PDE10A: variants seen among roughly 807,000 people sequenced by gnomAD.
PDE10A encodes phosphodiesterase 10A, also known as cAMP and cAMP-inhibited cGMP 3',5'-cyclic phosphodiesterase 10A.
Under a neutral mutation model 97.7 loss-of-function variants are expected in PDE10A, and 39 were observed. The ratio of observed to expected loss-of-function variants is 0.40; its 90% CI spans 0.31 to 0.52. The LOEUF is 0.52. PDE10A is among the 20% of genes least tolerant of loss of function. PDE10A has a pLI of 0.56. For missense variants in PDE10A, 731 were observed against 1,047.8 expected, an observed-to-expected ratio of 0.70 and a Z score of 4.17; for synonymous variants, 371 against 376.8, an observed-to-expected ratio of 0.98 and a Z score of 0.18.
intron 18 of PDE10A, among the ~76,000 whole-genome samples, chr6:165,375,777 A>G (rs1212673724): frequency 6.6e-6 from 1 of 152,212 alleles, no homozygotes; most frequent in East Asian, 1.9e-4. Flanking sequence ...ATTATTTACC[A>G]TTTCAAAAAT....
At chr6:165,528,104 G>A (rs186958236) in intron 2 of PDE10A, among the ~76,000 whole-genome samples, 10 of 152,306 alleles carry the variant, frequency 6.6e-5, no homozygotes, top group African/African-American at 1.4e-4. Context: ...TGTAACCAAC[G>A]GTTTGGGTGG....
chr6:165,555,276 C>T (rs891232691), intron 1 of PDE10A, among the ~76,000 whole-genome samples: 4 of 152,044 alleles, frequency 2.6e-5, no homozygotes, highest in African/African-American at 4.8e-5. Context: ...CTCTCACGTA[C>T]GCCATACACA....
At chr6:165,473,368 C>A (rs2128274162) in intron 3 of PDE10A, among the ~76,000 whole-genome samples, 1 of 152,178 alleles carries the variant, frequency 6.6e-6, no homozygotes, top group Non-Finnish European at 1.5e-5. Flanking sequence ...ATGATTTTAA[C>A]TGAATTAATG....
At chr6:165,762,262 T>C (rs535271616) in intron 1 of PDE10A, among the ~76,000 whole-genome samples, 1 of 152,360 alleles carries the variant, frequency 6.6e-6, no homozygotes, top group Admixed American at 6.5e-5. Flanking sequence ...CAGGGAGATG[T>C]ATTTGAGACT....
At chr6:165,822,673 T>C (rs996399370) in intron 1 of PDE10A, among the ~76,000 whole-genome samples, 1 of 151,250 alleles carries the variant, frequency 6.6e-6, no homozygotes, top group Non-Finnish European at 1.5e-5. Flanking sequence ...AGCAAGTTGC[T>C]CTGGGTGAGT....
intron 1 of PDE10A, among the ~76,000 whole-genome samples, chr6:165,759,326 G>A (rs946267961): frequency 1.3e-5 from 2 of 152,168 alleles, no homozygotes; most frequent in African/African-American, 4.8e-5. Flanking sequence ...GAAAGTACAA[G>A]GCCAGGGACA....
chr6:165,343,736 T>C (rs924707472), intron 18 of PDE10A, among the ~76,000 whole-genome samples: 2 of 152,196 alleles, frequency 1.3e-5, no homozygotes, highest in African/African-American at 2.4e-5. Context: ...TATGTTCCTG[T>C]TGCCTCAATG....
intron 18 of PDE10A, among the ~76,000 whole-genome samples, chr6:165,363,645 C>T (rs1017990867): frequency 1.3e-5 from 2 of 151,960 alleles, no homozygotes; most frequent in Non-Finnish European, 2.9e-5. Flanking sequence ...CTAAGCAATG[C>T]ACCAAAAAAT....
chr6:165,715,806 C>T (rs1374564221), intron 1 of PDE10A, among the ~76,000 whole-genome samples: 1 of 152,202 alleles, frequency 6.6e-6, no homozygotes, highest in Non-Finnish European at 1.5e-5. Context: ...GGTCAGAAGG[C>T]AGGGGTTAGA....
intron 1 of PDE10A, among the ~76,000 whole-genome samples, chr6:165,594,449 T>C (rs1385170322): frequency 6.6e-6 from 1 of 152,088 alleles, no homozygotes; most frequent in Admixed American, 6.5e-5. Flanking sequence ...TAATATATTA[T>C]AATACTGAAT....
chr6:165,898,544 G>A (rs1014768407), intron 1 of PDE10A, among the ~76,000 whole-genome samples: 4 of 152,110 alleles, frequency 2.6e-5, no homozygotes, highest in African/African-American at 4.8e-5. Context: ...CTCCTGTGGA[G>A]ATCAGCATGT....
At chr6:165,971,527 C>T (rs1490290645) in intron 1 of PDE10A, among the ~76,000 whole-genome samples, 1 of 152,190 alleles carries the variant, frequency 6.6e-6, no homozygotes, top group Non-Finnish European at 1.5e-5. Flanking sequence ...AAACATGTGA[C>T]TGTGCGACTG....
intron 2 of PDE10A, among the ~76,000 whole-genome samples, chr6:165,505,088 A>G (rs532354689): frequency 2.2e-4 from 33 of 152,294 alleles, no homozygotes; most frequent in South Asian, 4.1e-4. Context: ...TTCTCTTCGT[A>G]GCTCTGCCTA....
intron 1 of PDE10A, among the ~76,000 whole-genome samples, chr6:165,895,695 C>A (rs1336758938): frequency 6.6e-6 from 1 of 152,144 alleles, no homozygotes; most frequent in Non-Finnish European, 1.5e-5. Context: ...AAGTCCTGAC[C>A]CCACCCCTAG....
intron 5 of PDE10A, among the ~76,000 whole-genome samples, chr6:165,441,054 G>A (rs1368919208): frequency 6.6e-6 from 1 of 152,176 alleles, no homozygotes; most frequent in Admixed American, 6.5e-5. Context: ...GTCTATAGCA[G>A]ACATTGCTAT....
intron 1 of PDE10A, among the ~76,000 whole-genome samples, chr6:165,566,325 T>C (rs887693490): frequency 6.6e-6 from 1 of 152,208 alleles, no homozygotes; most frequent in African/African-American, 2.4e-5. Flanking sequence ...AAAGATGCTC[T>C]ACATTATATA....
At chr6:165,685,345 C>T (rs1791086136) in intron 1 of PDE10A, among the ~76,000 whole-genome samples, 2 of 151,758 alleles carry the variant, frequency 1.3e-5, no homozygotes, top group Admixed American at 1.3e-4. Flanking sequence ...GCAGATGAGT[C>T]AAATGGAAAG....
rs551270809 is a variant in PDE10A, at chr6:165,838,448, G to A, written c.-615+149081C>T. ...AGCCACAAAATTTACCCTTTAAAAT[G>A]TACAATCCAGTGGTTTTTAGTATAT... is the stretch of plus-strand genomic sequence containing the variant. On this transcript the variant is annotated intron_variant, in intron 1 of 19. Transcript: ENST00000366882. Among the ~76,000 whole-genome samples, 8 of 152,198 alleles carry A rather than the reference G, an allele frequency of 5.3e-5. No homozygotes were observed. The South Asian group carries it at 1.5e-3, about 28-fold the overall frequency.
intron 1 of PDE10A, among the ~76,000 whole-genome samples, chr6:165,789,866 T>C (rs2128463298): frequency 1.3e-5 from 2 of 152,326 alleles, no homozygotes; most frequent in East Asian, 3.8e-4. Context: ...GTCACTATAA[T>C]ATTGATAGTT....
Sources: gnomAD v4.1 joint callset for allele counts (sites outside exome capture counted in the v4.1 genomes callset) on GRCh38, gnomAD v4.1.1 for gene constraint, MANE v1.5 for transcripts, NCBI Gene and HGNC (gene_info 2026-07-23, HGNC 2026-07-21) for gene names.